The following KCNA2 variants were observed in gnomAD, a reference collection of about 807,000 sequenced individuals.
The protein encoded by KCNA2 is potassium channel, voltage gated shaker related subfamily A, member 2.
KCNA2 carries 11 observed loss-of-function variants against 33.4 expected under a neutral mutation model. The ratio of observed to expected loss-of-function variants is 0.33; its 90% CI spans 0.21 to 0.55. The LOEUF (loss-of-function observed/expected upper bound fraction) is 0.55. KCNA2 is among the 20% of genes least tolerant of loss of function. KCNA2 has a pLI of 0.93. For synonymous variants in KCNA2, 222 were observed against 231.3 expected (o/e 0.96, Z 0.37); for missense variants, 291 against 621.6 (o/e 0.47, Z 5.66).
At position 110,598,924 on chromosome 1, in the gene KCNA2, C is replaced by T. The variant is rs1649219247; in HGVS notation, c.*4359G>A. 1.0e-6 allele frequency: 1 copy of T among 985,420 alleles called. No individual in the cohort carries two copies. Among genetic ancestry groups the T allele is most frequent in the South Asian group, 4.7e-5 (1 of 21,278 alleles). The allele number at this position is 985,420 out of a possible 1,614,324, so 61.0% of individuals were successfully genotyped here. A position where few individuals can be genotyped will look rare whatever the true frequency, so the allele number is the denominator to read the frequency against. ...TCTCTCCACCTTTCCTGGGCCTATT[C>T]CTTTTCGGTCTCCTGAAAACTCCAA... On this transcript the variant is annotated 3_prime_UTR_variant, in exon 3 of 3. Coordinates refer to ENST00000316361, the MANE Select transcript of KCNA2 (RefSeq NM_004974.4).
Position 110,604,348 on chromosome 1 carries a change from A to G in KCNA2, c.435T>C (p.Phe145=). The G allele has an allele frequency of 6.2e-7, 1 of 1,613,256 alleles. No homozygotes were observed. The highest frequency in any genetic ancestry group is 8.5e-7 in the Non-Finnish European group (1 of 1,179,738). Residue 145 remains phenylalanine, a synonymous_variant, in exon 3 of 3, where the codon TTT becomes TTC. Coordinates refer to ENST00000316361, the MANE Select transcript of KCNA2 (RefSeq NM_004974.4). The surrounding 1 kb of genome is among the most constrained non-coding windows in gnomAD (Gnocchi z 7.6). ...CAAAGAGAAGCCACACTTGTCTCTGAAACTCATTTTCAGGCAGAGGACGCT... is the reference window on the plus strand; with the variant it reads ...CAAAGAGAAGCCACACTTGTCTCTGGAACTCATTTTCAGGCAGAGGACGCT... The part of the protein sequence containing the change: ...EEERPLPENE[F]QRQVWLLFEY...
chr1:110,601,747 T>G lies in KCNA2; in HGVS notation c.*1536A>C. The G allele has an allele frequency of 1.7e-6, 2 of 1,183,996 alleles. No individual in the cohort carries two copies. The highest frequency in any genetic ancestry group is 2.1e-6 in the Non-Finnish European group (2 of 959,910). 73.3% of individuals were successfully genotyped at this position (1,183,996 alleles called of 1,614,324 possible). ...GACAGCCAACCCACCAAGCAGTGGATTTGCTCCTGAACCTGAACTCCAGAA... is the reference window on the plus strand; with the variant it reads ...GACAGCCAACCCACCAAGCAGTGGAGTTGCTCCTGAACCTGAACTCCAGAA... On this transcript the variant is annotated 3_prime_UTR_variant, in exon 3 of 3. Transcript: ENST00000316361.
chr1:110,597,847 G>C lies in KCNA2; in HGVS notation c.*5436C>G. On this transcript the variant is annotated 3_prime_UTR_variant, in exon 3 of 3. Coordinates refer to ENST00000316361, the MANE Select transcript of KCNA2 (RefSeq NM_004974.4). ...TATTCAAACACAAACTATGAGAGAT[G>C]AAGCTGAGATTTGGTGGGAAGGGAA... is the stretch of plus-strand genomic sequence containing the variant. 1.0e-6 allele frequency: 1 copy of C among 985,222 alleles called. No individual in the cohort carries two copies. Among genetic ancestry groups the C allele is most frequent in the Non-Finnish European group, 1.2e-6 (1 of 829,766 alleles). 61.0% of individuals were successfully genotyped at this position (985,222 alleles called of 1,614,324 possible). A position where few individuals can be genotyped will look rare whatever the true frequency, so the allele number is the denominator to read the frequency against.
intron 1 of KCNA2, among the ~76,000 whole-genome samples, chr1:110,614,317 G>A (rs1350867725): frequency 6.6e-6 from 1 of 152,160 alleles, no homozygotes; most frequent in Non-Finnish European, 1.5e-5. Context: ...AGAACACTTT[G>A]ACCCTAGTGT....
rs1472641069 is a variant in KCNA2, at chr1:110,613,089, C to T, written c.-495-7367G>A. On this transcript the variant is annotated intron_variant, in intron 1 of 4. Coordinates refer to the KCNA2 transcript ENST00000369770. ...TGACTTCCAGGAAGGTGTCAAGAAACGTGAGCTTCCAGATGGCTCCAGGTG... is the reference window on the plus strand; with the variant it reads ...TGACTTCCAGGAAGGTGTCAAGAAATGTGAGCTTCCAGATGGCTCCAGGTG... Among the ~76,000 whole-genome samples the T allele has an allele frequency of 5.9e-5, 9 of 152,228 alleles. No homozygotes were observed. The South Asian group carries it at 1.0e-3, about 17-fold the overall frequency.
Position 110,594,643 on chromosome 1 carries a change from A to C in KCNA2, c.*8640T>G. On this transcript the variant is annotated 3_prime_UTR_variant, in exon 3 of 3. Coordinates refer to ENST00000316361, the MANE Select transcript of KCNA2 (RefSeq NM_004974.4). The stretch of plus-strand genomic sequence containing the variant: ...ACTTTCCAGCTTCCTGGGGCCCTTC[A>C]AATGAAGGAACCATCCAAGCACGAC... 1.0e-6 allele frequency: 1 copy of C among 985,376 alleles called. No individual in the cohort carries two copies. The highest frequency in any genetic ancestry group is 1.2e-6 in the Non-Finnish European group (1 of 829,954). The allele number at this position is 985,376 out of a possible 1,614,324, so 61.0% of individuals were successfully genotyped here.
Position 110,604,778 on chromosome 1 carries a change from G to A in KCNA2, c.5C>T (p.Thr2Ile). The change falls in exon 3 of 3, where the codon ACA becomes ATA. Residue 2 changes from threonine (T) to isoleucine (I), a missense_variant. Around this residue, in one of 5 missense-constraint regions of KCNA2, gnomAD observed 163 missense variants for 273.5 expected, o/e 0.60. Transcript: ENST00000316361. The surrounding 1 kb of genome is among the most constrained non-coding windows in gnomAD (Gnocchi z 7.6). ...GTCTGCTGGGTCTCCGGTGGCCACT[G>A]TCATAATTGGGACTGAGAGAAGCAC... M[T>I]VATGDPADEA... is the part of the protein sequence containing the mutation. 3.7e-6 allele frequency: 6 copies of A among 1,611,046 alleles called. No homozygotes were observed. The highest frequency in any genetic ancestry group is 5.1e-6 in the Non-Finnish European group (6 of 1,178,440).
At position 110,594,020 on chromosome 1, in the gene KCNA2, G is replaced by T. The variant is rs905903558; in HGVS notation, c.*9263C>A. 2.6e-6 allele frequency: 4 copies of T among 1,536,284 alleles called. No homozygotes were observed. The highest frequency in any genetic ancestry group is 3.5e-6 in the Non-Finnish European group (4 of 1,141,070). Reference sequence around the variant, plus strand: ...CCTGCTCCGCCTTCAGCTCTCATTGGTCCCCAGCCTCTTATCACCATGGAG... The same window carrying T: ...CCTGCTCCGCCTTCAGCTCTCATTGTTCCCCAGCCTCTTATCACCATGGAG... On this transcript the variant is annotated 3_prime_UTR_variant, in exon 3 of 3. Coordinates refer to ENST00000316361, the MANE Select transcript of KCNA2 (RefSeq NM_004974.4).
chr1:110,619,551 G>A (rs994717074), intron 1 of KCNA2, among the ~76,000 whole-genome samples: 1 of 152,236 alleles, frequency 6.6e-6, no homozygotes, highest in African/African-American at 2.4e-5. Flanking sequence ...TCTGCACACT[G>A]TGGCTCGGGC....
rs529542829 is a variant in KCNA2, at chr1:110,593,758, T to A, written c.*9525A>T. Reference sequence around the variant, plus strand: ...CAGGCAATGTTCATTGAGGCACATATGTACACATATATGTATAACCTATGT... The same window carrying A: ...CAGGCAATGTTCATTGAGGCACATAAGTACACATATATGTATAACCTATGT... On this transcript the variant is annotated 3_prime_UTR_variant, in exon 3 of 3. Coordinates refer to ENST00000316361, the MANE Select transcript of KCNA2 (RefSeq NM_004974.4). The A allele has an allele frequency of 1.9e-6, 2 of 1,048,448 alleles. No homozygotes were observed. The highest frequency in any genetic ancestry group is 3.2e-5 in the African/African-American group (2 of 62,162). The allele number at this position is 1,048,448 out of a possible 1,614,324, so 64.9% of individuals were successfully genotyped here.
At chr1:110,608,417 T>C (rs1649753525), upstream of KCNA2, among the ~76,000 whole-genome samples, 1 of 152,084 alleles carries the variant, frequency 6.6e-6, no homozygotes, top group African/African-American at 2.4e-5. Flanking sequence ...TCAGATGGGC[T>C]CTAGCACCAG....
In KCNA2 at chr1:110,593,752, C is replaced by A. The variant is rs1164938764; in HGVS notation, c.*9531G>T. The A allele has an allele frequency of 2.4e-5, 22 of 922,750 alleles. No homozygotes were observed. The highest frequency in any genetic ancestry group is 3.4e-5 in the African/African-American group (2 of 58,908). The allele number at this position is 922,750 out of a possible 1,614,324, so 57.2% of individuals were successfully genotyped here. A position where few individuals can be genotyped will look rare whatever the true frequency, so the allele number is the denominator to read the frequency against. On this transcript the variant is annotated 3_prime_UTR_variant, in exon 3 of 3. Coordinates refer to ENST00000316361, the MANE Select transcript of KCNA2 (RefSeq NM_004974.4). Reference sequence around the variant, plus strand: ...GGTGGACAGGCAATGTTCATTGAGGCACATATGTACACATATATGTATAAC... The same window carrying A: ...GGTGGACAGGCAATGTTCATTGAGGAACATATGTACACATATATGTATAAC...
chr1:110,600,873 G>A lies in KCNA2; in HGVS notation c.*2410C>T, dbSNP rs897309499. 5.1e-6 allele frequency: 5 copies of A among 985,396 alleles called. No homozygotes were observed. In the African/African-American group the frequency reaches 8.7e-5, roughly 17 times the overall value. 61.0% of individuals were successfully genotyped at this position (985,396 alleles called of 1,614,324 possible). A position where few individuals can be genotyped will look rare whatever the true frequency, so the allele number is the denominator to read the frequency against. The stretch of plus-strand genomic sequence containing the variant: ...ATGAGCACCCTGGGCCTAGCACCCT[G>A]AGCTGGTGCCCCATGCCCCAAGACA... On this transcript the variant is annotated 3_prime_UTR_variant, in exon 3 of 3. Coordinates refer to ENST00000316361, the MANE Select transcript of KCNA2 (RefSeq NM_004974.4).
At chr1:110,628,122 G>T (rs1043364875) in intron 1 of KCNA2, among the ~76,000 whole-genome samples, 3 of 152,194 alleles carry the variant, frequency 2.0e-5, no homozygotes, top group African/African-American at 7.2e-5. Flanking sequence ...GCTTTTAACT[G>T]ATCACAAGTT....
At chr1:110,620,085 AGAGTGAGT>A (rs1366651891) in intron 1 of KCNA2, among the ~76,000 whole-genome samples, 60 of 141,050 alleles carry the variant, frequency 4.3e-4, no homozygotes, top group African/African-American at 1.7e-3. Context: ...AGAGAGAGAG[AGAGTGAGT>A]GAGAGAGAGA....
At chr1:110,611,690 C>T (rs1402047003) in intron 1 of KCNA2, among the ~76,000 whole-genome samples, 3 of 149,760 alleles carry the variant, frequency 2.0e-5, no homozygotes, top group Admixed American at 2.0e-4. Context: ...TGTGCCACTG[C>T]ACTCCAGCCT....
In KCNA2 at chr1:110,604,095, T is replaced by C. The variant is rs1318471748; in HGVS notation, c.688A>G (p.Ile230Val). 1.9e-6 allele frequency: 3 copies of C among 1,614,144 alleles called. No individual in the cohort carries two copies. In the South Asian group the frequency reaches 3.3e-5, roughly 18 times the overall value. ...DPFFIVETLCIIWFSFEFLVR... is the reference protein window; with the variant it reads ...DPFFIVETLCVIWFSFEFLVR... The stretch of plus-strand genomic sequence containing the variant: ...AAGAATTCAAAGGAGAACCAGATGA[T>C]GCAGAGTGTCTCTACAATGAAGAAA... Residue 230 changes from isoleucine to valine, a missense_variant, in exon 3 of 3, where the codon ATC (isoleucine) becomes GTC (valine). This residue lies in a region of KCNA2 where 43 missense variants were observed against 159.4 expected (regional missense o/e 0.27). Transcript: ENST00000316361. The surrounding 1 kb of genome is among the most constrained non-coding windows in gnomAD (Gnocchi z 7.6).
rs1353017076 is a variant in KCNA2, at chr1:110,604,037, C to G, written c.746G>C (p.Gly249Ala). 2 of 1,614,018 alleles carry G rather than the reference C, an allele frequency of 1.2e-6. No homozygotes were observed. Among genetic ancestry groups the G allele is most frequent in the African/African-American group, 2.7e-5 (2 of 74,906 alleles). Residue 249 changes from glycine (G) to alanine (A), a missense_variant, in exon 3 of 3, where the codon GGC (glycine) becomes GCC (alanine). By Grantham distance (60) the Gly-to-Ala change is moderately conservative. This residue lies in a region of KCNA2 where 43 missense variants were observed against 159.4 expected (regional missense o/e 0.27). Coordinates refer to ENST00000316361, the MANE Select transcript of KCNA2 (RefSeq NM_004974.4). This position sits in a 1 kb window ranked among gnomAD's most constrained non-coding sequence, Gnocchi z 7.6. ...GATGTTCATGATGTTGGTGAAGAAG[C>G]CGGCTTTGCTGGGACAGGCAAAGAA... ...VRFFACPSKA[G>A]FFTNIMNIID...
At chr1:110,605,187 C>G (rs1414438230) in intron 2 of KCNA2, among the ~76,000 whole-genome samples, 1 of 152,128 alleles carries the variant, frequency 6.6e-6, no homozygotes, top group East Asian at 1.9e-4. Context: ...GGTACAGGCC[C>G]GCTTGTAGCA....
Sources: allele counts gnomAD v4.1 joint callset (sites outside exome capture counted in the v4.1 genomes callset), GRCh38; gene constraint gnomAD v4.1.1; regional missense constraint gnomAD v4.1.1; non-coding constraint Gnocchi (gnomAD v3.1); transcripts MANE v1.5; gene names NCBI Gene and HGNC (gene_info 2026-07-23, HGNC 2026-07-21).